Variants in ATP8A2 observed in about 807,000 individuals in gnomAD.
ATP8A2 encodes phospholipid-transporting ATPase IB.
In ATP8A2, 100 loss-of-function variants were observed where a neutral mutation model predicts 165.6. That is an observed-to-expected ratio of 0.60 (90% confidence interval 0.51 to 0.71). The LOEUF (loss-of-function observed/expected upper bound fraction) is 0.71. Among genes scored for constraint, ATP8A2 ranks in the 30% least tolerant of loss-of-function variants. The probability of loss-of-function intolerance (pLI) is 0.00; values close to 1 mark genes in which losing one functional copy is unlikely to be tolerated. For missense variants in ATP8A2, 1,227 were observed against 1,479.5 expected (o/e 0.83, Z 2.80); for synonymous variants, 543 against 548.8 (o/e 0.99, Z 0.15).
At chr13:25,695,067 T>G (rs1382426712) in intron 24 of ATP8A2, among the ~76,000 whole-genome samples, 1 of 152,168 alleles carries the variant, frequency 6.6e-6, no homozygotes, top group Non-Finnish European at 1.5e-5. Flanking sequence ...ACCTCAGAGA[T>G]ATTGCAGATT....
chr13:25,946,639 G>A (rs1030757677), intron 33 of ATP8A2, among the ~76,000 whole-genome samples: 17 of 152,328 alleles, frequency 1.1e-4, no homozygotes, highest in African/African-American at 3.4e-4. Flanking sequence ...TGGGAGGCCC[G>A]AGTATGTATC....
At chr13:25,833,070 C>G (rs1006835747) in intron 28 of ATP8A2, among the ~76,000 whole-genome samples, 1 of 146,694 alleles carries the variant, frequency 6.8e-6, no homozygotes, top group African/African-American at 2.5e-5. Context: ...TAGCAATAAA[C>G]AGCTTTTTTT....
At chr13:25,766,576 C>G (rs1024775398) in intron 25 of ATP8A2, among the ~76,000 whole-genome samples, 1 of 152,164 alleles carries the variant, frequency 6.6e-6, no homozygotes, top group South Asian at 2.1e-4. Context: ...TTTTTATCAT[C>G]ACCGCCACGA....
chr13:25,399,289 C>T (rs964397878), intron 1 of ATP8A2, among the ~76,000 whole-genome samples: 5 of 151,622 alleles, frequency 3.3e-5, no homozygotes, highest in African/African-American at 1.2e-4. Flanking sequence ...ACCAAGAATT[C>T]GCATTTCTCA....
chr13:25,749,842 A>C (rs2044116150), intron 25 of ATP8A2, among the ~76,000 whole-genome samples: 1 of 152,118 alleles, frequency 6.6e-6, no homozygotes, highest in African/African-American at 2.4e-5. Context: ...TTAGTTTCTA[A>C]TTGTTGACAT....
At chr13:25,776,740 G>A (rs571751924) in intron 27 of ATP8A2, among the ~76,000 whole-genome samples, 1 of 152,308 alleles carries the variant, frequency 6.6e-6, no homozygotes, top group South Asian at 2.1e-4. Flanking sequence ...TCGTGTAAAA[G>A]GGTATTAGAA....
chr13:25,655,114 A>G (rs1030348176), intron 24 of ATP8A2, among the ~76,000 whole-genome samples: 3 of 152,178 alleles, frequency 2.0e-5, no homozygotes, highest in Admixed American at 2.0e-4. Flanking sequence ...GCACTCACCC[A>G]TGGTGGGTGG....
chr13:25,482,971 A>C (rs964996263), intron 2 of ATP8A2, among the ~76,000 whole-genome samples: 3 of 152,206 alleles, frequency 2.0e-5, no homozygotes, highest in Non-Finnish European at 2.9e-5. Context: ...CTAATACAGA[A>C]GGGATGATGG....
chr13:25,721,751 A>G (rs2043386569), intron 25 of ATP8A2, among the ~76,000 whole-genome samples: 1 of 152,214 alleles, frequency 6.6e-6, no homozygotes. Flanking sequence ...TTCAAGGTTC[A>G]TCCACATCCA....
intron 1 of ATP8A2, among the ~76,000 whole-genome samples, chr13:25,462,688 C>A (rs536765797): frequency 6.6e-6 from 1 of 152,304 alleles, no homozygotes; most frequent in Non-Finnish European, 1.5e-5. Flanking sequence ...GCTTAATCAC[C>A]CTGCTGAAAC....
chr13:25,482,734 A>T (rs1214413175), intron 2 of ATP8A2, among the ~76,000 whole-genome samples: 1 of 152,160 alleles, frequency 6.6e-6, no homozygotes, highest in Non-Finnish European at 1.5e-5. Flanking sequence ...GTGGTAGTGA[A>T]TAAATCTTAT....
intron 25 of ATP8A2, among the ~76,000 whole-genome samples, chr13:25,724,073 C>G (rs1188664228): frequency 6.6e-6 from 1 of 152,162 alleles, no homozygotes; most frequent in South Asian, 2.1e-4. Context: ...GAACTGAATT[C>G]TGTCACAGCC....
chr13:25,837,355 A>C, intron 29 of ATP8A2, 70 bp downstream of exon 29: 1 of 1,562,528 alleles, frequency 6.4e-7, no homozygotes. Flanking sequence ...TCATCTGCCT[A>C]GGAGATAGTT....
intron 1 of ATP8A2, among the ~76,000 whole-genome samples, chr13:25,438,674 A>C (rs188635040): frequency 5.4e-4 from 82 of 152,218 alleles, no homozygotes; most frequent in African/African-American, 2.0e-3. Context: ...AGAGATAAGA[A>C]AAGAAGAAAA....
chr13:25,396,914 C>T (rs2033445260), intron 1 of ATP8A2, among the ~76,000 whole-genome samples: 1 of 152,194 alleles, frequency 6.6e-6, no homozygotes, highest in East Asian at 1.9e-4. Context: ...AGCTTTATTA[C>T]TCACAGATAG....
Position 25,690,885 on chromosome 13 carries a change from G to A in ATP8A2, c.2212-8288G>A, listed in dbSNP as rs538471908. Among the ~76,000 whole-genome samples, 24 of 152,266 alleles carry A rather than the reference G, an allele frequency of 1.6e-4. No individual in the cohort carries two copies. The South Asian group carries it at 5.0e-3, about 32-fold the overall frequency. ...TAATATAAACGTAAGTCTACACAGA[G>A]ACCAGTCACACAGATTCATAGAAGA... On this transcript the variant is annotated intron_variant, in intron 24 of 36. Coordinates refer to ENST00000381655, the MANE Select transcript of ATP8A2 (RefSeq NM_016529.6).
intron 24 of ATP8A2, among the ~76,000 whole-genome samples, chr13:25,601,558 G>A (rs192824126): frequency 1.1e-4 from 17 of 152,302 alleles, no homozygotes; most frequent in Admixed American, 3.9e-4. Context: ...TCTGCCTCCT[G>A]GGTTCACGTG....
intron 25 of ATP8A2, among the ~76,000 whole-genome samples, chr13:25,722,709 A>G (rs2043407681): frequency 6.6e-6 from 1 of 152,232 alleles, no homozygotes; most frequent in African/African-American, 2.4e-5. Flanking sequence ...CATATAACTT[A>G]TAAAAGCCAC....
At position 25,469,081 on chromosome 13, in the gene ATP8A2, A is replaced by C. The variant is rs1452906597; in HGVS notation, c.181A>C (p.Asn61His). The C allele has an allele frequency of 6.8e-6, 11 of 1,613,754 alleles. No homozygotes were observed. In the East Asian group the frequency reaches 2.2e-4, roughly 33 times the overall value. ...GGCACCCGCCCGCACCATTTACCTC[A>C]ACCAACCGCATCTCAACAAATTCCG... ...LEAPARTIYL[N>H]QPHLNKFRDN... The change falls in exon 2 of 37, where the codon AAC becomes CAC. Residue 61 changes from asparagine (N) to histidine (H), a missense_variant. Transcript: ENST00000381655.
Sources: allele counts gnomAD v4.1 joint callset (sites outside exome capture counted in the v4.1 genomes callset), GRCh38; gene constraint gnomAD v4.1.1; transcripts MANE v1.5; gene names NCBI Gene and HGNC (gene_info 2026-07-23, HGNC 2026-07-21).